Variants in TBC1D5 observed in about 807,000 individuals in gnomAD.
The protein encoded by TBC1D5 is TBC1 domain family member 5.
In TBC1D5, 75 loss-of-function variants were observed where a neutral mutation model predicts 100.3. The ratio of observed to expected loss-of-function variants is 0.75; its 90% CI spans 0.62 to 0.91. TBC1D5 has a LOEUF of 0.91. Among genes scored for constraint, TBC1D5 ranks in the 40% least tolerant of loss-of-function variants. TBC1D5 has a pLI of 0.00. For missense variants in TBC1D5, 910 were observed against 942.4 expected (o/e 0.97, Z 0.45); for synonymous variants, 323 against 325.6 (o/e 0.99, Z 0.09).
chr3:17,599,489 C>T (rs2060791483), intron 2 of TBC1D5, among the ~76,000 whole-genome samples: 1 of 152,128 alleles, frequency 6.6e-6, no homozygotes, highest in Non-Finnish European at 1.5e-5. Context: ...CCACTGAGAG[C>T]CACCTCCATC....
intron 18 of TBC1D5, among the ~76,000 whole-genome samples, chr3:17,198,680 A>G (rs910760617): frequency 6.6e-6 from 1 of 152,142 alleles, no homozygotes; most frequent in Admixed American, 6.5e-5. Context: ...CTTGCTTTCA[A>G]CCTGGGGAAG....
intron 15 of TBC1D5, among the ~76,000 whole-genome samples, chr3:17,267,949 T>C (rs1182210769): frequency 2.0e-5 from 3 of 152,122 alleles, no homozygotes; most frequent in African/African-American, 7.2e-5. Flanking sequence ...GTGAATCTTA[T>C]TAGTAAAAAG....
At chr3:17,367,774 G>C (rs2092247130) in intron 13 of TBC1D5, among the ~76,000 whole-genome samples, 1 of 151,862 alleles carries the variant, frequency 6.6e-6, no homozygotes, top group South Asian at 2.1e-4. Flanking sequence ...CAGGATAATT[G>C]CTTGAACCCG....
chr3:17,525,837 A>G (rs1226019977), intron 2 of TBC1D5, among the ~76,000 whole-genome samples: 1 of 151,032 alleles, frequency 6.6e-6, no homozygotes, highest in East Asian at 1.9e-4. Flanking sequence ...TTCCTAAAAC[A>G]CTTTACTTCT....
chr3:17,460,590 A>T (rs2095185678), intron 3 of TBC1D5, among the ~76,000 whole-genome samples: 1 of 152,070 alleles, frequency 6.6e-6, no homozygotes, highest in Non-Finnish European at 1.5e-5. Context: ...CTATTATGTT[A>T]TCTATTTTAC....
intron 1 of TBC1D5, among the ~76,000 whole-genome samples, chr3:17,731,273 C>T (rs1465782575): frequency 3.3e-5 from 5 of 151,892 alleles, no homozygotes; most frequent in Admixed American, 6.6e-5. Flanking sequence ...GAGGCCGAGG[C>T]GGGCGGATCA....
At chr3:17,547,670 A>T (rs759025840) in intron 2 of TBC1D5, among the ~76,000 whole-genome samples, 1 of 152,218 alleles carries the variant, frequency 6.6e-6, no homozygotes, top group Non-Finnish European at 1.5e-5. Context: ...AAAAATCAAA[A>T]GCCAATGGTA....
intron 3 of TBC1D5, among the ~76,000 whole-genome samples, chr3:17,503,625 A>G (rs924905536): frequency 3.3e-5 from 5 of 149,796 alleles, no homozygotes; most frequent in Admixed American, 2.6e-4. Context: ...TACAAAAAAC[A>G]AACAATATTT....
intron 19 of TBC1D5, among the ~76,000 whole-genome samples, chr3:17,174,907 T>C (rs1292191841): frequency 6.6e-6 from 1 of 152,106 alleles, no homozygotes. Flanking sequence ...TGTTTTTACA[T>C]GAGAGAGCAG....
chr3:17,437,390 C>T (rs550362298), intron 3 of TBC1D5, among the ~76,000 whole-genome samples: 6 of 152,108 alleles, frequency 3.9e-5, no homozygotes, highest in Admixed American at 3.3e-4. Context: ...TATAAAGCTA[C>T]CTGATGTCGT....
intron 21 of TBC1D5, among the ~76,000 whole-genome samples, chr3:17,166,541 G>A (rs564491376): frequency 6.6e-5 from 10 of 152,304 alleles, no homozygotes; most frequent in African/African-American, 2.4e-4. Context: ...TGTAGGGCAC[G>A]CACCGCACGG....
intron 17 of TBC1D5, among the ~76,000 whole-genome samples, chr3:17,218,800 T>C (rs1210330420): frequency 6.6e-6 from 1 of 152,074 alleles, no homozygotes; most frequent in African/African-American, 2.4e-5. Context: ...CTCTTGTATA[T>C]CATGAGCTGT....
intron 2 of TBC1D5, among the ~76,000 whole-genome samples, chr3:17,559,341 A>G (rs575754768): frequency 3.3e-5 from 5 of 151,864 alleles, no homozygotes; most frequent in Non-Finnish European, 7.4e-5. Context: ...GGGTTTCACC[A>G]TGTTGGCCAG....
At chr3:17,196,999 G>A (rs539945337) in intron 18 of TBC1D5, among the ~76,000 whole-genome samples, 31 of 152,250 alleles carry the variant, frequency 2.0e-4, no homozygotes, top group African/African-American at 6.7e-4. Flanking sequence ...GCAGCTACAC[G>A]TAGGAATGCA....
intron 3 of TBC1D5, among the ~76,000 whole-genome samples, chr3:17,508,248 A>C (rs1367306167): frequency 6.6e-6 from 1 of 152,218 alleles, no homozygotes; most frequent in Non-Finnish European, 1.5e-5. Flanking sequence ...AAAGAACGAC[A>C]GTGCGTTAAA....
exon 18 of TBC1D5, chr3:17,214,224 T>C (rs2073336954): frequency 4.3e-6 from 7 of 1,611,946 alleles, no homozygotes; most frequent in Non-Finnish European, 5.9e-6. Context: ...TTTCTGCCCA[T>C]AGTTTTGCTG....
At chr3:17,167,902 G>C (rs1250989762) in intron 19 of TBC1D5, 74 bp from the exon 21 acceptor site, 1 of 1,109,474 alleles carries the variant, frequency 9.0e-7, no homozygotes, top group Non-Finnish European at 1.3e-6. Flanking sequence ...CATAACTTCA[G>C]ACGGGCTTGG....
intron 9 of TBC1D5, among the ~76,000 whole-genome samples, 166 bp downstream of exon 9, chr3:17,383,747 A>G (rs896351258): frequency 1.3e-5 from 2 of 152,038 alleles, no homozygotes; most frequent in Admixed American, 1.3e-4. Flanking sequence ...ATGTGCTTCA[A>G]TGAGCTTACC....
At chr3:17,418,053 GTC>G (rs1357540147) in intron 4 of TBC1D5, among the ~76,000 whole-genome samples, 2 of 152,014 alleles carry the variant, frequency 1.3e-5, no homozygotes, top group Admixed American at 6.6e-5. Flanking sequence ...CTACTTCTAT[GTC>G]TCTCTCAGAA....
Sources: allele counts gnomAD v4.1 joint callset (sites outside exome capture counted in the v4.1 genomes callset), GRCh38; gene constraint gnomAD v4.1.1; transcripts MANE v1.5; gene names NCBI Gene and HGNC (gene_info 2026-07-23, HGNC 2026-07-21).